SMIM27: variants seen among roughly 807,000 people sequenced by gnomAD.
SMIM27 encodes the protein transition zone microprotein 1.
In SMIM27, 3 loss-of-function variants were observed where a neutral mutation model predicts 1.8. The observed-to-expected ratio is 1.65, with a 90% CI of 0.75 to 4.28. The LOEUF (loss-of-function observed/expected upper bound fraction) is 4.28. SMIM27 is among the 30% of genes most tolerant of loss of function. The probability of loss-of-function intolerance (pLI) is 0.02; values close to 1 mark genes in which losing one functional copy is unlikely to be tolerated. For missense variants in SMIM27, 63 were observed against 37.0 expected, an observed-to-expected ratio of 1.70 and a Z score of -1.83; for synonymous variants, 19 against 13.9, an observed-to-expected ratio of 1.37 and a Z score of -0.82.
intron 1 of SMIM27, among the ~76,000 whole-genome samples, chr9:32,564,908 G>A (rs901615974): frequency 6.6e-6 from 1 of 152,086 alleles, no homozygotes; most frequent in African/African-American, 2.4e-5. Flanking sequence ...ACCATTTTTG[G>A]CCTAGAAAAA....
At chr9:32,566,611 C>G (rs1821798294) in exon 2 of SMIM27, 5 of 788,166 alleles carry the variant, frequency 6.3e-6, no homozygotes, top group Admixed American at 5.1e-5. Context: ...AGGAATTCCT[C>G]CTGAGCCTCT....
At chr9:32,564,379 T>C (rs11790512) in intron 1 of SMIM27, among the ~76,000 whole-genome samples, 1 of 152,160 alleles carries the variant, frequency 6.6e-6, no homozygotes, top group Non-Finnish European at 1.5e-5. Context: ...ACATATATTG[T>C]GTTTTCTTAT....
chr9:32,560,242 G>A (rs1821588505), intron 1 of SMIM27, among the ~76,000 whole-genome samples: 1 of 152,166 alleles, frequency 6.6e-6, no homozygotes, highest in Admixed American at 6.5e-5. Context: ...GACCTCTACT[G>A]ACACAAAATG....
chr9:32,566,760 G>T, exon 2 of SMIM27: 2 of 905,074 alleles, frequency 2.2e-6, no homozygotes, highest in East Asian at 2.5e-5. Context: ...CTCAGCCCGG[G>T]TGTCGGCTGC....
At chr9:32,557,225 C>T (rs1217286014), downstream of SMIM27, among the ~76,000 whole-genome samples, 3 of 148,220 alleles carry the variant, frequency 2.0e-5, no homozygotes, top group South Asian at 2.1e-4. Flanking sequence ...AGTGCAGTGG[C>T]GCAAACTCCG....
upstream of SMIM27, chr9:32,552,173 G>T: frequency 3.9e-6 from 2 of 517,952 alleles, no homozygotes; most frequent in South Asian, 4.3e-5. Flanking sequence ...TCCTTAGTTG[G>T]CAAAAAAAAA....
chr9:32,552,297 G>C (rs774445411), upstream of SMIM27: 15 of 1,293,292 alleles, frequency 1.2e-5, no homozygotes, highest in South Asian at 1.9e-4. Context: ...GCCAGCGACA[G>C]CGCTGCACGA....
intron 1 of SMIM27, 150 bp from the exon 2 acceptor site, chr9:32,552,651 G>C (rs968604900): frequency 1.8e-5 from 12 of 670,660 alleles, no homozygotes; most frequent in African/African-American, 1.6e-4. Context: ...CGCTTCTTAC[G>C]TAAGGGCTGC....
At chr9:32,551,223 C>CTGAA, upstream of SMIM27, 1 of 595,132 alleles carries the variant, frequency 1.7e-6, no homozygotes, top group Non-Finnish European at 3.0e-6. Flanking sequence ...GGGACACTGA[C>CTGAA]TGAATGTTCG....
At chr9:32,557,615 G>T (rs768643842), downstream of SMIM27, among the ~76,000 whole-genome samples, 1 of 151,422 alleles carries the variant, frequency 6.6e-6, no homozygotes, top group Non-Finnish European at 1.5e-5. Flanking sequence ...CAGTAGCTGG[G>T]ATTACAGGTG....
At chr9:32,553,435 CGCCTCG>C, downstream of SMIM27, 1 of 177,204 alleles carries the variant, frequency 5.6e-6, no homozygotes, top group Non-Finnish European at 1.2e-5. Context: ...GTGATCTGCC[CGCCTCG>C]GCCTCCCAAA....
downstream of SMIM27, chr9:32,553,151 T>C (rs576906633): frequency 3.4e-5 from 14 of 407,788 alleles, no homozygotes; most frequent in East Asian, 5.8e-4. Context: ...ATAGTTGGAA[T>C]AAGCTTTTCA....
chr9:32,552,729 C>T, intron 1 of SMIM27, 72 bp from the exon 2 acceptor site: 1 of 673,612 alleles, frequency 1.5e-6, no homozygotes, highest in Non-Finnish European at 2.7e-6. Flanking sequence ...TTAGCAATGG[C>T]AACGGTAACC....
At chr9:32,553,721 A>C (rs541895088), downstream of SMIM27, 4 of 587,714 alleles carry the variant, frequency 6.8e-6, no homozygotes, top group Non-Finnish European at 1.2e-5. Flanking sequence ...ACTTATTGTT[A>C]AATTACTCAG....
At chr9:32,551,315 T>C, upstream of SMIM27, 1 of 444,674 alleles carries the variant, frequency 2.2e-6, no homozygotes, top group Non-Finnish European at 4.2e-6. Context: ...TAGGAAATTA[T>C]CTTTAGTGTC....
At chr9:32,552,641 C>A in intron 1 of SMIM27, 160 bp from the exon 2 acceptor site, 1 of 686,090 alleles carries the variant, frequency 1.5e-6, no homozygotes. Flanking sequence ...TACGATCTTC[C>A]GCTTCTTACG....
upstream of SMIM27, chr9:32,552,316 G>C: frequency 7.0e-7 from 1 of 1,432,826 alleles, no homozygotes. Context: ...GAAGCGAGTG[G>C]GCGGGCGCTC....
upstream of SMIM27, chr9:32,551,589 T>A: frequency 4.0e-6 from 1 of 249,730 alleles, no homozygotes; most frequent in Non-Finnish European, 8.6e-6. Flanking sequence ...TCTTTTAAGA[T>A]AACTGCGAGG....
Position 32,563,578 on chromosome 9 carries a change from C to T in SMIM27, c.46-2813C>T, listed in dbSNP as rs146197113. Among the ~76,000 whole-genome samples, 479 of 150,126 alleles carry T rather than the reference C, an allele frequency of 3.2e-3. 3 individuals are homozygous for T. Among genetic ancestry groups the T allele is most frequent in the African/African-American group, 0.011 (451 of 40,622 alleles). ...GCCTCAAGCAGTCCTCCCACCTCAGCCTCCCAAAGTGTTGGGATTACAGGT... is the reference window on the plus strand; with the variant it reads ...GCCTCAAGCAGTCCTCCCACCTCAGTCTCCCAAAGTGTTGGGATTACAGGT... On this transcript the variant is annotated intron_variant, in intron 1 of 1. Coordinates refer to the SMIM27 transcript ENST00000451672.
Sources: gnomAD v4.1 joint callset for allele counts (sites outside exome capture counted in the v4.1 genomes callset) on GRCh38, gnomAD v4.1.1 for gene constraint, MANE v1.5 for transcripts, NCBI Gene and HGNC (gene_info 2026-07-23, HGNC 2026-07-21) for gene names.